The following TEX10 variants were observed in gnomAD, a reference collection of about 807,000 sequenced individuals.
TEX10 encodes the protein testis-expressed protein 10.
In TEX10, 24 loss-of-function variants were observed where a neutral mutation model predicts 104.4. The observed-to-expected ratio is 0.23, with a 90% confidence interval of 0.17 to 0.32. The LOEUF (loss-of-function observed/expected upper bound fraction) is 0.32. Ranked by LOEUF, TEX10 falls within the 10% of genes least tolerant of loss-of-function variation. The pLI, the probability that TEX10 is intolerant of heterozygous loss-of-function variation, is 1.00. For missense variants in TEX10, 921 were observed against 1,083.9 expected (o/e 0.85, Z 2.11); for synonymous variants, 396 against 393.4 (o/e 1.01, Z -0.08).
chr9:100,329,157 C>A lies in TEX10; in HGVS notation c.1608G>T (p.Leu536=). Residue 536 remains leucine, a synonymous_variant, in exon 7 of 15, where the codon CTG becomes CTT. Coordinates refer to ENST00000374902, the MANE Select transcript of TEX10 (RefSeq NM_017746.4). ...GATTTTACCTGAATCTACAAGATCT[C>A]AGTTCTTCTGTCTGATAGATTTTAC... ...FFSKIYQTEE[L]RSCRFRYRSK... The A allele has an allele frequency of 6.2e-7, 1 of 1,603,270 alleles. No individual in the cohort carries two copies. The highest frequency in any genetic ancestry group is 1.1e-5 in the South Asian group (1 of 87,880).
intron 5 of TEX10, among the ~76,000 whole-genome samples, chr9:100,334,959 C>T (rs2118902966): frequency 6.6e-6 from 1 of 152,322 alleles, no homozygotes; most frequent in East Asian, 1.9e-4. Flanking sequence ...GCCACCGCGC[C>T]TGGCCAGTCA....
At chr9:100,329,806 T>C (rs1193502070) in intron 6 of TEX10, 125 bp downstream of exon 6, 25 of 845,868 alleles carry the variant, frequency 3.0e-5, no homozygotes. Flanking sequence ...TAGCTACCTT[T>C]TATGGCTTGA....
At chr9:100,310,636 C>A (rs1405411854) in intron 11 of TEX10, among the ~76,000 whole-genome samples, 2 of 152,096 alleles carry the variant, frequency 1.3e-5, no homozygotes, top group Admixed American at 6.5e-5. Flanking sequence ...TGGGGTTCCA[C>A]CATTTTGCCC....
Position 100,351,370 on chromosome 9 carries a change from CAAAACA to C in TEX10, c.-10+1396_-10+1401del, listed in dbSNP as rs1164324709. The stretch of plus-strand genomic sequence containing the variant: ...CTCTAGTTACCTTAGTCTTAAAAAA[CAAAACA>C]AAACAAAAAAAAAAGCTGGGGGTCG... On this transcript the variant is annotated intron_variant, in intron 1 of 14. Transcript: ENST00000374902. Among the ~76,000 whole-genome samples, 7 of 40,572 alleles carry C rather than the reference CAAAACA, an allele frequency of 1.7e-4. 1 individual carries two copies. Among genetic ancestry groups the C allele is most frequent in the African/African-American group, 2.6e-4 (3 of 11,366 alleles). 26.6% of individuals were successfully genotyped at this position (40,572 alleles called of 152,430 possible). A position where few individuals can be genotyped will look rare whatever the true frequency, so the allele number is the denominator to read the frequency against.
chr9:100,348,392 TTAAA>T (rs1835354481), intron 2 of TEX10, among the ~76,000 whole-genome samples: 1 of 152,226 alleles, frequency 6.6e-6, no homozygotes, highest in Non-Finnish European at 1.5e-5. Flanking sequence ...ATTGTATTCT[TTAAA>T]TGAGAGATTT....
chr9:100,346,896 G>A lies in TEX10; in HGVS notation c.691C>T (p.Leu231Phe), dbSNP rs1449744489. 6.2e-7 allele frequency: 1 copy of A among 1,614,080 alleles called. No individual in the cohort carries two copies. Among genetic ancestry groups the A allele is most frequent in the Non-Finnish European group, 8.5e-7 (1 of 1,180,042 alleles). Residue 231 changes from leucine to phenylalanine, a missense_variant, in exon 3 of 15, where the codon CTC becomes TTC. Physicochemically the swap from Leu to Phe is conservative, Grantham distance 22. Transcript: ENST00000374902. ...QQWRLKVLVRLSKFLQALADG... is the reference protein window; with the variant it reads ...QQWRLKVLVRFSKFLQALADG... ...GCCAAGGCCTGAAGGAATTTACTGA[G>A]TCTCACTAAGACTTTCAGCCTCCAT...
intron 6 of TEX10, 102 bp downstream of exon 6, chr9:100,329,828 CT>C: frequency 1.0e-6 from 1 of 991,546 alleles, no homozygotes; most frequent in Non-Finnish European, 1.5e-6. Context: ...TACAATTAGC[CT>C]GACTACATGG....
At chr9:100,343,185 T>G (rs1015147377) in intron 4 of TEX10, among the ~76,000 whole-genome samples, 1 of 151,020 alleles carries the variant, frequency 6.6e-6, no homozygotes, top group African/African-American at 2.4e-5. Flanking sequence ...ATCAAGGATA[T>G]AGCTAGCTAA....
At chr9:100,336,933 T>C (rs1448802566) in intron 5 of TEX10, among the ~76,000 whole-genome samples, 1 of 152,176 alleles carries the variant, frequency 6.6e-6, no homozygotes, top group East Asian at 1.9e-4. Flanking sequence ...TGGCAATCCA[T>C]CTTTGCTAAA....
intron 14 of TEX10, 74 bp from the exon 15 acceptor site, chr9:100,302,378 C>T (rs895713545): frequency 9.8e-7 from 1 of 1,020,892 alleles, no homozygotes; most frequent in Non-Finnish European, 1.5e-6. Flanking sequence ...TTTTCACACC[C>T]AAACACAATT....
intron 8 of TEX10, 36 bp downstream of exon 8, chr9:100,327,751 A>T (rs751580640): frequency 8.1e-6 from 12 of 1,476,652 alleles, no homozygotes; most frequent in Non-Finnish European, 1.1e-5. Context: ...GGGTGGATCA[A>T]TGACTACCCA....
At chr9:100,344,218 T>C (rs998632565) in intron 4 of TEX10, among the ~76,000 whole-genome samples, 3 of 152,222 alleles carry the variant, frequency 2.0e-5, no homozygotes, top group African/African-American at 7.2e-5. Context: ...TGTATTCTGA[T>C]CTTCAACAGT....
chr9:100,345,534 A>G (rs955951878), intron 4 of TEX10, among the ~76,000 whole-genome samples: 6 of 152,202 alleles, frequency 3.9e-5, no homozygotes, highest in African/African-American at 1.4e-4. Flanking sequence ...GTATTGATTT[A>G]GCACCAACTT....
At chr9:100,346,673 C>T in intron 3 of TEX10, 21 bp downstream of exon 3, 4 of 1,584,078 alleles carry the variant, frequency 2.5e-6, no homozygotes, top group Non-Finnish European at 3.4e-6. Context: ...ACTGTGTGGA[C>T]ATAACTGAAA....
intron 12 of TEX10, among the ~76,000 whole-genome samples, chr9:100,309,845 A>C (rs979378378): frequency 3.3e-5 from 5 of 152,194 alleles, no homozygotes; most frequent in African/African-American, 4.8e-5. Flanking sequence ...ATCCAATATC[A>C]AATAACAGGT....
At chr9:100,347,934 T>A (rs1329639895) in intron 2 of TEX10, among the ~76,000 whole-genome samples, 1 of 151,894 alleles carries the variant, frequency 6.6e-6, no homozygotes, top group African/African-American at 2.4e-5. Flanking sequence ...AAAATGTATA[T>A]CCTCACAAAG....
At chr9:100,302,908 T>C (rs1057467095) in intron 14 of TEX10, among the ~76,000 whole-genome samples, 5 of 148,520 alleles carry the variant, frequency 3.4e-5, no homozygotes, top group Admixed American at 2.8e-4. Flanking sequence ...AATCAAACTA[T>C]ACAAGACACT....
intron 13 of TEX10, chr9:100,307,247 G>C (rs1187254392): frequency 2.0e-5 from 3 of 152,180 alleles, no homozygotes; most frequent in Non-Finnish European, 4.4e-5. Context: ...TATGGCCACA[G>C]GCCAAATCCA....
rs1265249046 is a variant in TEX10 at position 100,352,417 on chromosome 9, A to G, written c.-10+355T>C. 12 of 1,551,746 alleles carry G rather than the reference A, an allele frequency of 7.7e-6. No individual in the cohort carries two copies. In the South Asian group the frequency reaches 1.3e-4, roughly 17 times the overall value. On this transcript the variant is annotated intron_variant, in intron 1 of 14. Coordinates refer to ENST00000374902, the MANE Select transcript of TEX10 (RefSeq NM_017746.4). Reference sequence around the variant, plus strand: ...CTGCATCCATCCCAGAGGCGAACACACCATGGGTTTTAGGAAACCATCGTT... The same window carrying G: ...CTGCATCCATCCCAGAGGCGAACACGCCATGGGTTTTAGGAAACCATCGTT...
Sources: gnomAD v4.1 joint callset for allele counts (sites outside exome capture counted in the v4.1 genomes callset) on GRCh38, gnomAD v4.1.1 for gene constraint, MANE v1.5 for transcripts, NCBI Gene and HGNC (gene_info 2026-07-23, HGNC 2026-07-21) for gene names.